Variants in MYO10 observed in about 807,000 individuals in gnomAD.
MYO10 encodes myosin X, also known as unconventional myosin-X.
A neutral mutation model predicts 257.3 loss-of-function variants in MYO10; 133 were observed. That is an observed-to-expected ratio of 0.52 (90% confidence interval 0.45 to 0.60). The LOEUF is 0.60. MYO10 is among the 20% of genes least tolerant of loss of function. The pLI is 0.00. For synonymous variants in MYO10, 1,104 were observed against 1,028.6 expected, an observed-to-expected ratio of 1.07 and a Z score of -1.40; for missense variants, 2,399 against 2,635.7, an observed-to-expected ratio of 0.91 and a Z score of 1.97.
At chr5:16,751,760 C>T (rs1473442438) in intron 19 of MYO10, among the ~76,000 whole-genome samples, 2 of 151,908 alleles carry the variant, frequency 1.3e-5, no homozygotes, top group Non-Finnish European at 2.9e-5. Context: ...CGTGAGCCAC[C>T]GCCCCCACCG....
rs1272086489 is a variant in MYO10 at position 16,779,783 on chromosome 5, C to A, written c.827-135G>T. On this transcript the variant is annotated intron_variant, in intron 8 of 40. Transcript: ENST00000513610. ...TCTCCCATAAAGATAATAAAGTTCC[C>A]TCTTAGTTACCATCTAGGGAAAATA... The A allele has an allele frequency of 2.7e-5, 14 of 518,178 alleles. No homozygotes were observed. In the East Asian group the frequency reaches 3.1e-4, roughly 12 times the overall value. The allele number at this position is 518,178 out of a possible 1,614,324, so 32.1% of individuals were successfully genotyped here.
chr5:16,775,505 T>C (rs762848980), intron 9 of MYO10, among the ~76,000 whole-genome samples: 4 of 152,164 alleles, frequency 2.6e-5, no homozygotes, highest in Non-Finnish European at 5.9e-5. Context: ...CATGGCTCAC[T>C]ACAGCCTCGA....
chr5:16,761,047 A>G (rs540745966), intron 17 of MYO10, among the ~76,000 whole-genome samples: 44 of 152,050 alleles, frequency 2.9e-4, no homozygotes, highest in Admixed American at 1.2e-3. Flanking sequence ...CTGGACTGCA[A>G]TGGCGCAATC....
At chr5:16,733,201 A>T (rs1468033523) in intron 19 of MYO10, among the ~76,000 whole-genome samples, 1 of 152,140 alleles carries the variant, frequency 6.6e-6, no homozygotes, top group East Asian at 1.9e-4. Context: ...TCTGAGCTAA[A>T]CATCCAGTCA....
chr5:16,763,679 G>C lies in MYO10; in HGVS notation c.1403C>G (p.Ser468Cys), dbSNP rs565299847. Residue 468 changes from serine (S) to cysteine (C), a missense_variant, in exon 13 of 41, where the codon TCT becomes TGT. Transcript: ENST00000513610. ...LQEYFNKHIF[S>C]LEQLEYSREG... ...CCGGCTATATTCTAGTTGTTCTAAA[G>C]AAAAAATATGCTTGTTGAAGTACTC... The C allele has an allele frequency of 4.5e-5, 73 of 1,609,742 alleles. No individual in the cohort carries two copies. The South Asian group carries it at 7.8e-4, about 17-fold the overall frequency.
intron 21 of MYO10, among the ~76,000 whole-genome samples, chr5:16,705,865 T>C (rs940277870): frequency 4.6e-5 from 7 of 152,054 alleles, no homozygotes; most frequent in South Asian, 4.1e-4. Flanking sequence ...ATAATACAAT[T>C]ATTATTGTAT....
chr5:16,909,359 T>C (rs987319937), intron 1 of MYO10, among the ~76,000 whole-genome samples: 4 of 151,890 alleles, frequency 2.6e-5, no homozygotes. Context: ...TACAAAAAAT[T>C]AGCCAGCTGT....
intron 26 of MYO10, among the ~76,000 whole-genome samples, chr5:16,695,819 C>A (rs1427179804): frequency 6.6e-6 from 1 of 152,178 alleles, no homozygotes; most frequent in Non-Finnish European, 1.5e-5. Flanking sequence ...TGTGTGAAAA[C>A]CAGACAGTGC....
chr5:16,753,379 G>A (rs1011552431), intron 19 of MYO10, among the ~76,000 whole-genome samples: 3 of 151,888 alleles, frequency 2.0e-5, no homozygotes, highest in Non-Finnish European at 4.4e-5. Flanking sequence ...ATGTTAACCA[G>A]GATGGTCTCC....
chr5:16,902,403 A>C (rs2560842), intron 1 of MYO10: 2 of 1,245,002 alleles, frequency 1.6e-6, no homozygotes, highest in Non-Finnish European at 2.3e-6. Context: ...TACTTTGCTG[A>C]GAACTGCACA....
At chr5:16,901,297 T>C (rs565898408) in intron 1 of MYO10, among the ~76,000 whole-genome samples, 2 of 152,234 alleles carry the variant, frequency 1.3e-5, no homozygotes, top group South Asian at 4.1e-4. Flanking sequence ...CCTCCGTCAG[T>C]CAGCTTGCTG....
At chr5:16,759,926 C>A (rs1465229242) in intron 17 of MYO10, among the ~76,000 whole-genome samples, 1 of 151,836 alleles carries the variant, frequency 6.6e-6, no homozygotes, top group African/African-American at 2.4e-5. Flanking sequence ...GCTGATACTA[C>A]CTTATATGGG....
chr5:16,870,673 A>T (rs1744427941), intron 2 of MYO10, among the ~76,000 whole-genome samples: 1 of 152,008 alleles, frequency 6.6e-6, no homozygotes, highest in Non-Finnish European at 1.5e-5. Context: ...CGGGTGAATC[A>T]TCTGAGGTTG....
intron 21 of MYO10, among the ~76,000 whole-genome samples, chr5:16,707,218 C>T (rs577848043): frequency 6.6e-6 from 1 of 152,320 alleles, no homozygotes; most frequent in South Asian, 2.1e-4. Flanking sequence ...TCCATTAAAC[C>T]TCTTTCTTTT....
chr5:16,733,340 C>T (rs1302818828), intron 19 of MYO10, among the ~76,000 whole-genome samples: 2 of 152,126 alleles, frequency 1.3e-5, no homozygotes, highest in African/African-American at 4.8e-5. Context: ...GAGATCAAGT[C>T]AGCCCTTTTC....
At chr5:16,711,952 T>C (rs947833657) in intron 19 of MYO10, among the ~76,000 whole-genome samples, 1 of 152,156 alleles carries the variant, frequency 6.6e-6, no homozygotes, top group Non-Finnish European at 1.5e-5. Context: ...ATATCATAAA[T>C]GTACCACCAC....
chr5:16,814,794 T>C (rs965152908), intron 3 of MYO10: 5 of 152,136 alleles, frequency 3.3e-5, no homozygotes, highest in African/African-American at 4.8e-5. Context: ...GAACTGCAAA[T>C]TGGATGCACA....
At chr5:16,813,526 A>AG (rs1742505823) in intron 3 of MYO10, among the ~76,000 whole-genome samples, 1 of 151,336 alleles carries the variant, frequency 6.6e-6, no homozygotes, top group African/African-American at 2.4e-5. Flanking sequence ...ATTCCAGCCC[A>AG]GGAGACAAAG....
chr5:16,810,268 G>C (rs1742396946), intron 3 of MYO10, among the ~76,000 whole-genome samples: 1 of 152,100 alleles, frequency 6.6e-6, no homozygotes, highest in Admixed American at 6.5e-5. Context: ...CGTTTTCACA[G>C]CCACAGCACT....
Sources: gnomAD v4.1 joint callset for allele counts (sites outside exome capture counted in the v4.1 genomes callset) on GRCh38, gnomAD v4.1.1 for gene constraint, MANE v1.5 for transcripts, NCBI Gene and HGNC (gene_info 2026-07-23, HGNC 2026-07-21) for gene names.